The following WDR12 variants were observed in gnomAD, a reference collection of about 807,000 sequenced individuals.
WDR12 encodes ribosome biogenesis protein WDR12.
In WDR12, 42 loss-of-function variants were observed where a neutral mutation model predicts 64.3. The ratio of observed to expected loss-of-function variants is 0.65; its 90% CI spans 0.51 to 0.84. The LOEUF is 0.84. WDR12 is among the 40% of genes least tolerant of loss of function. The probability of loss-of-function intolerance (pLI) is 0.00; values close to 1 mark genes in which losing one functional copy is unlikely to be tolerated. For synonymous variants in WDR12, 158 were observed against 173.3 expected, an observed-to-expected ratio of 0.91 and a Z score of 0.70; for missense variants, 469 against 494.6, an observed-to-expected ratio of 0.95 and a Z score of 0.49.
chr2:202,904,138 C>CAAAAA (rs34378996), intron 2 of WDR12, among the ~76,000 whole-genome samples: 290 of 38,272 alleles, frequency 7.6e-3, no homozygotes, highest in Non-Finnish European at 8.4e-3. Flanking sequence ...AACTCTGTCT[C>CAAAAA]AAAAAAAAAA....
intron 11 of WDR12, 196 bp from the exon 12 acceptor site, chr2:202,882,979 A>G (rs1219390610): frequency 6.1e-6 from 3 of 488,480 alleles, no homozygotes; most frequent in East Asian, 3.4e-5. Context: ...GACATTTATT[A>G]TAACAAATAT....
In WDR12 at chr2:202,883,654, A is replaced by G. The variant is rs368669973; in HGVS notation, c.1076T>C (p.Ile359Thr). 3 of 1,614,138 alleles carry G rather than the reference A, an allele frequency of 1.9e-6. No homozygotes were observed. The highest frequency in any genetic ancestry group is 2.5e-6 in the Non-Finnish European group (3 of 1,180,022). Reference sequence around the variant, plus strand: ...AACAATGTTATCTAAAGATCCTGAAATCAGCTGCTGTTCATGGGTAGGAGA... The same window carrying G: ...AACAATGTTATCTAAAGATCCTGAAGTCAGCTGCTGTTCATGGGTAGGAGA... ...KWSPTHEQQLISGSLDNIVKL... is the reference protein window; with the variant it reads ...KWSPTHEQQLTSGSLDNIVKL... The change falls in exon 11 of 13, where the codon ATT becomes ACT. Residue 359 changes from isoleucine (I) to threonine (T), a missense_variant. Coordinates refer to ENST00000261015, the MANE Select transcript of WDR12 (RefSeq NM_018256.4).
intron 4 of WDR12, among the ~76,000 whole-genome samples, chr2:202,898,975 G>T (rs1688299862): frequency 8.1e-6 from 1 of 124,004 alleles, no homozygotes; most frequent in African/African-American, 3.1e-5. Flanking sequence ...AACAATAATT[G>T]TTACTACCAC....
At position 202,880,739 on chromosome 2, in the gene WDR12, G is replaced by A; in HGVS notation, c.*121C>T. ...AAAGTGATACGTTAGCTGTTATGAA[G>A]GGTGAAAACATTATATAAACTTCAA... On this transcript the variant is annotated 3_prime_UTR_variant, in exon 13 of 13. Transcript: ENST00000261015. The A allele has an allele frequency of 3.0e-6, 2 of 670,634 alleles. No homozygotes were observed. The highest frequency in any genetic ancestry group is 2.4e-6 in the Non-Finnish European group (1 of 419,800). 41.5% of individuals were successfully genotyped at this position (670,634 alleles called of 1,614,324 possible). A position where few individuals can be genotyped will look rare whatever the true frequency, so the allele number is the denominator to read the frequency against.
At chr2:202,895,097 CATATAAA>C (rs1347587502) in intron 6 of WDR12, among the ~76,000 whole-genome samples, 1 of 152,172 alleles carries the variant, frequency 6.6e-6, no homozygotes, top group African/African-American at 2.4e-5. Context: ...GACTAAACAA[CATATAAA>C]ACTTTTCGGC....
At chr2:202,898,140 C>G (rs962873739) in intron 4 of WDR12, among the ~76,000 whole-genome samples, 2 of 151,312 alleles carry the variant, frequency 1.3e-5, no homozygotes, top group African/African-American at 4.9e-5. Context: ...ATAAGGAATA[C>G]CCAACCTGTA....
intron 12 of WDR12, among the ~76,000 whole-genome samples, chr2:202,881,204 A>G (rs879589815): frequency 7.2e-5 from 11 of 152,226 alleles, no homozygotes; most frequent in African/African-American, 9.6e-5. Flanking sequence ...GCCAAGATAC[A>G]TAAGTTTGAA....
intron 4 of WDR12, among the ~76,000 whole-genome samples, chr2:202,898,940 C>T (rs1413073221): frequency 7.1e-6 from 1 of 139,930 alleles, no homozygotes; most frequent in Non-Finnish European, 1.5e-5. Context: ...AGAGAGACCC[C>T]GTTTAAAAAA....
chr2:202,878,092 T>G lies in WDR12; in HGVS notation c.*2768A>C, dbSNP rs1371950311. 1 of 152,198 alleles carries G rather than the reference T, an allele frequency of 6.6e-6. No homozygotes were observed. The allele number at this position is 152,198 out of a possible 1,614,324, so 9.4% of individuals were successfully genotyped here. A position where few individuals can be genotyped will look rare whatever the true frequency, so the allele number is the denominator to read the frequency against. ...AGAGACAATACTTGTCCAAGAGACT[T>G]GGTCACTTACATTATATCTATCTCA... is the stretch of plus-strand genomic sequence containing the variant. On this transcript the variant is annotated 3_prime_UTR_variant, in exon 13 of 13. Coordinates refer to ENST00000261015, the MANE Select transcript of WDR12 (RefSeq NM_018256.4).
At chr2:202,889,100 T>C (rs1688101897) in intron 8 of WDR12, among the ~76,000 whole-genome samples, 1 of 152,122 alleles carries the variant, frequency 6.6e-6, no homozygotes, top group Non-Finnish European at 1.5e-5. Context: ...CATGTATAAA[T>C]TTAAACCCTA....
At chr2:202,906,420 A>G (rs1681929851) in intron 2 of WDR12, among the ~76,000 whole-genome samples, 1 of 152,066 alleles carries the variant, frequency 6.6e-6, no homozygotes, top group Non-Finnish European at 1.5e-5. Flanking sequence ...CAAAAACATC[A>G]CCTCAAATTT....
intron 8 of WDR12, among the ~76,000 whole-genome samples, chr2:202,888,384 A>G (rs1203085606): frequency 2.0e-5 from 3 of 152,206 alleles, no homozygotes; most frequent in East Asian, 1.9e-4. Context: ...TAGCAGTTAC[A>G]TGATTCTATA....
intron 11 of WDR12, 48 bp from the exon 12 acceptor site, chr2:202,882,831 A>T: frequency 1.3e-6 from 2 of 1,574,594 alleles, no homozygotes; most frequent in Non-Finnish European, 1.7e-6. Flanking sequence ...CAGTGTTAAA[A>T]CAAACATTTG....
chr2:202,910,249 G>A (rs932674635), intron 1 of WDR12, among the ~76,000 whole-genome samples: 5 of 152,080 alleles, frequency 3.3e-5, no homozygotes, highest in Non-Finnish European at 7.4e-5. Context: ...AAGGCTGGAC[G>A]CAGTGGGTCA....
chr2:202,878,077 C>T lies in WDR12; in HGVS notation c.*2783G>A, dbSNP rs534613256. On this transcript the variant is annotated 3_prime_UTR_variant, in exon 13 of 13. Coordinates refer to ENST00000261015, the MANE Select transcript of WDR12 (RefSeq NM_018256.4). Reference sequence around the variant, plus strand: ...TGGCAGGGATTGATCAGAGACAATACTTGTCCAAGAGACTTGGTCACTTAC... The same window carrying T: ...TGGCAGGGATTGATCAGAGACAATATTTGTCCAAGAGACTTGGTCACTTAC... 6.6e-6 allele frequency: 1 copy of T among 152,290 alleles called. No individual in the cohort carries two copies. Among genetic ancestry groups the T allele is most frequent in the South Asian group, 2.1e-4 (1 of 4,826 alleles). 9.4% of individuals were successfully genotyped at this position (152,290 alleles called of 1,614,324 possible).
intron 2 of WDR12, among the ~76,000 whole-genome samples, chr2:202,904,515 T>C (rs1669762666): frequency 6.6e-6 from 1 of 152,018 alleles, no homozygotes; most frequent in African/African-American, 2.4e-5. Flanking sequence ...TGGAACAGAA[T>C]AGAGAAGCCA....
In WDR12 at chr2:202,878,218, C is replaced by A. The variant is rs1005975998; in HGVS notation, c.*2642G>T. Reference sequence around the variant, plus strand: ...GCCATTTTATTCTTTGTCTATGCATCTGATATATAGGCTTCTTTATCTTTA... The same window carrying A: ...GCCATTTTATTCTTTGTCTATGCATATGATATATAGGCTTCTTTATCTTTA... On this transcript the variant is annotated 3_prime_UTR_variant, in exon 13 of 13. Transcript: ENST00000261015. 6.6e-6 allele frequency: 1 copy of A among 152,334 alleles called. No individual in the cohort carries two copies. The highest frequency in any genetic ancestry group is 3.4e-3 in the Middle Eastern group (1 of 294). 9.4% of individuals were successfully genotyped at this position (152,334 alleles called of 1,614,324 possible). A position where few individuals can be genotyped will look rare whatever the true frequency, so the allele number is the denominator to read the frequency against.
chr2:202,878,233 C>T lies in WDR12; in HGVS notation c.*2627G>A, dbSNP rs978487060. ...GTCTATGCATCTGATATATAGGCTT[C>T]TTTATCTTTAACCATCTAGTTTATA... On this transcript the variant is annotated 3_prime_UTR_variant, in exon 13 of 13. Transcript: ENST00000261015. 1 of 152,162 alleles carries T rather than the reference C, an allele frequency of 6.6e-6. No homozygotes were observed. The highest frequency in any genetic ancestry group is 1.5e-5 in the Non-Finnish European group (1 of 68,018). The allele number at this position is 152,162 out of a possible 1,614,324, so 9.4% of individuals were successfully genotyped here.
intron 11 of WDR12, 163 bp downstream of exon 11, chr2:202,883,446 T>C: frequency 1.1e-6 from 1 of 915,842 alleles, no homozygotes; most frequent in East Asian, 2.9e-5. Flanking sequence ...AAAAATTTTT[T>C]TGATCCTGGC....
Sources: allele counts gnomAD v4.1 joint callset (sites outside exome capture counted in the v4.1 genomes callset), GRCh38; gene constraint gnomAD v4.1.1; transcripts MANE v1.5; gene names NCBI Gene and HGNC (gene_info 2026-07-23, HGNC 2026-07-21).